Variants in C5 observed in about 807,000 individuals in gnomAD.
C5 encodes the protein complement C5.
A neutral mutation model predicts 218.8 loss-of-function variants in C5; 140 were observed. The ratio of observed to expected loss-of-function variants is 0.64; its 90% CI spans 0.56 to 0.74. The LOEUF is 0.74. C5 is among the 30% of genes least tolerant of loss of function. The pLI is 0.00. For synonymous variants in C5, 614 were observed against 682.3 expected (o/e 0.90, Z 1.56); for missense variants, 1,700 against 1,969.6 (o/e 0.86, Z 2.59).
At chr9:120,999,091 G>A (rs973087395) in intron 20 of C5, among the ~76,000 whole-genome samples, 1 of 151,964 alleles carries the variant, frequency 6.6e-6, no homozygotes, top group Non-Finnish European at 1.5e-5. Context: ...ATACAATTCA[G>A]CATAATTGCA....
chr9:121,044,199 G>A (rs771214567), intron 2 of C5, among the ~76,000 whole-genome samples: 2 of 152,144 alleles, frequency 1.3e-5, no homozygotes, highest in African/African-American at 2.4e-5. Context: ...AACAGGCTGG[G>A]CACAGTAACC....
Position 120,953,880 on chromosome 9 carries a change from G to C in C5, c.4763-12C>G. The C allele has an allele frequency of 1.2e-6, 2 of 1,613,624 alleles. No individual in the cohort carries two copies. Among genetic ancestry groups the C allele is most frequent in the South Asian group, 1.1e-5 (1 of 91,064 alleles). ...AGCAACAGCTTCCCCTGAGAGACAT[G>C]CAAGTCAAGTAAGGTTATACCATTC... On this transcript the variant is annotated splice_polypyrimidine_tract_variant and intron_variant, in intron 39 of 40. Coordinates refer to ENST00000223642, the MANE Select transcript of C5 (RefSeq NM_001735.3).
intron 33 of C5, among the ~76,000 whole-genome samples, chr9:120,968,533 G>T (rs935155997): frequency 3.3e-5 from 5 of 152,190 alleles, no homozygotes; most frequent in African/African-American, 4.8e-5. Context: ...AACTAATACA[G>T]TGGCCAATTG....
chr9:120,953,084 C>A (rs538234994), intron 40 of C5, among the ~76,000 whole-genome samples: 1 of 152,112 alleles, frequency 6.6e-6, no homozygotes, highest in Non-Finnish European at 1.5e-5. Context: ...CCACCACGCC[C>A]GGCTATTTTT....
upstream of C5, among the ~76,000 whole-genome samples, chr9:121,052,348 T>C (rs1418043201): frequency 6.6e-6 from 1 of 151,248 alleles, no homozygotes; most frequent in African/African-American, 2.4e-5. Flanking sequence ...TCCCAGCTAC[T>C]TGGGAGGCTG....
the C5 span, among the ~76,000 whole-genome samples, chr9:121,067,974 T>C: frequency 1.4e-4 from 21 of 152,124 alleles, no homozygotes; most frequent in Non-Finnish European, 2.9e-4. Flanking sequence ...AGGGTAAAAA[T>C]GGACTAATAC....
chr9:120,987,650 A>AG (rs2047043589), intron 25 of C5, among the ~76,000 whole-genome samples: 1 of 147,460 alleles, frequency 6.8e-6, no homozygotes. Flanking sequence ...AAAAAAAAAA[A>AG]GAAAAAAGAA....
chr9:120,960,705 G>A (rs553681963), intron 37 of C5, among the ~76,000 whole-genome samples: 46 of 152,184 alleles, frequency 3.0e-4, no homozygotes, highest in Non-Finnish European at 7.3e-5. Context: ...GTTAGTGTTA[G>A]CGTATTTTAT....
chr9:121,012,432 T>A (rs1346010712), intron 17 of C5, among the ~76,000 whole-genome samples: 1 of 152,104 alleles, frequency 6.6e-6, no homozygotes, highest in African/African-American at 2.4e-5. Context: ...GAGAATTGCT[T>A]GAACCCGGGA....
chr9:121,074,858 G>C, the C5 span: 8 of 456,210 alleles, frequency 1.8e-5, no homozygotes, highest in East Asian at 2.8e-4. Flanking sequence ...GGCTGCAAAA[G>C]AGGCGGGAAA....
chr9:121,002,191 CATATACGT>C (rs1430228097), intron 20 of C5, among the ~76,000 whole-genome samples: 11 of 123,972 alleles, frequency 8.9e-5, no homozygotes, highest in African/African-American at 2.9e-4. Context: ...TAGATATGTA[CATATACGT>C]ATATATGTAT....
intron 1 of C5, among the ~76,000 whole-genome samples, chr9:121,049,613 G>A (rs1220233344): frequency 6.6e-6 from 1 of 152,082 alleles, no homozygotes; most frequent in African/African-American, 2.4e-5. Context: ...TATATAAAAT[G>A]AATAGGTTTG....
intron 39 of C5, among the ~76,000 whole-genome samples, 157 bp from the exon 40 acceptor site, chr9:120,954,025 A>G (rs1454257804): frequency 6.6e-6 from 1 of 152,248 alleles, no homozygotes; most frequent in Non-Finnish European, 1.5e-5. Context: ...CTCTGGAGCC[A>G]GACTGCCTGG....
At chr9:121,012,041 T>C (rs1285597834) in intron 17 of C5, among the ~76,000 whole-genome samples, 3 of 152,098 alleles carry the variant, frequency 2.0e-5, no homozygotes, top group Non-Finnish European at 4.4e-5. Flanking sequence ...TAAGACTTAG[T>C]ACTTGACAGC....
chr9:121,036,688 G>C (rs2047528129), intron 4 of C5, among the ~76,000 whole-genome samples: 1 of 151,760 alleles, frequency 6.6e-6, no homozygotes, highest in Non-Finnish European at 1.5e-5. Flanking sequence ...CCCAACTCAG[G>C]GTTCCCTTTA....
rs200394341 is a variant in C5, at chr9:120,991,239, A to G, written c.2893T>C (p.Leu965=). The G allele has an allele frequency of 6.2e-6, 10 of 1,611,838 alleles. No homozygotes were observed. Among genetic ancestry groups the G allele is most frequent in the East Asian group, 2.2e-5 (1 of 44,852 alleles). ...ATTTCTGTTTTGGGGACCAAATCTA[A>G]GGGTATCCTGTATGGGAACTCCTTT... The part of the protein sequence containing the change: ...RRKEFPYRIP[L]DLVPKTEIKR... Residue 965 remains leucine, a synonymous_variant, in exon 23 of 41, where the codon TTA becomes CTA. Coordinates refer to ENST00000223642, the MANE Select transcript of C5 (RefSeq NM_001735.3).
chr9:121,052,401 C>T (rs1020036452), upstream of C5, among the ~76,000 whole-genome samples: 2 of 139,156 alleles, frequency 1.4e-5, no homozygotes, highest in Non-Finnish European at 3.0e-5. Context: ...AGGTTGAGCA[C>T]AGATCACGCC....
the C5 span, among the ~76,000 whole-genome samples, chr9:121,055,695 T>G: frequency 6.6e-6 from 1 of 152,208 alleles, no homozygotes; most frequent in South Asian, 2.1e-4. Flanking sequence ...ATCTGCTGAC[T>G]AATGTGGCCT....
chr9:121,074,321 G>A, the C5 span, among the ~76,000 whole-genome samples: 2 of 152,312 alleles, frequency 1.3e-5, no homozygotes, highest in African/African-American at 4.8e-5. Context: ...CGTGCTCATG[G>A]GCAAGCCCCA....
Sources: gnomAD v4.1 joint callset for allele counts (sites outside exome capture counted in the v4.1 genomes callset) on GRCh38, gnomAD v4.1.1 for gene constraint, MANE v1.5 for transcripts, NCBI Gene and HGNC (gene_info 2026-07-23, HGNC 2026-07-21) for gene names.